The following EP400 variants were observed in gnomAD, a reference collection of about 807,000 sequenced individuals.
EP400 encodes E1A-binding protein p400.
Under a neutral mutation model 354.1 loss-of-function variants are expected in EP400, and 105 were observed. The observed-to-expected ratio is 0.30, with a 90% confidence interval of 0.25 to 0.35. EP400 has a LOEUF of 0.35. EP400 is among the 10% of genes least tolerant of loss of function. The probability of loss-of-function intolerance (pLI) is 1.00; values close to 1 mark genes in which losing one functional copy is unlikely to be tolerated. For synonymous variants in EP400, 1,646 were observed against 1,716.9 expected (o/e 0.96, Z 1.02); for missense variants, 3,280 against 4,121.0 (o/e 0.80, Z 5.59).
At chr12:132,044,084 C>T in intron 34 of EP400, 93 bp from the exon 35 acceptor site, 10 of 1,541,154 alleles carry the variant, frequency 6.5e-6, no homozygotes, top group Non-Finnish European at 8.8e-6. Flanking sequence ...GAACATGTGG[C>T]TCTGAGACAA....
intron 5 of EP400, among the ~76,000 whole-genome samples, chr12:131,985,681 C>T (rs1466738491): frequency 6.6e-6 from 1 of 152,218 alleles, no homozygotes; most frequent in Non-Finnish European, 1.5e-5. Context: ...AATCTCAGCT[C>T]ACCACAACCT....
intron 1 of EP400, among the ~76,000 whole-genome samples, chr12:131,958,286 G>A (rs578249574): frequency 1.3e-5 from 2 of 152,252 alleles, no homozygotes; most frequent in South Asian, 2.1e-4. Context: ...GCTCTCTGCC[G>A]GGTGGTGGGA....
At position 132,077,486 on chromosome 12, in the gene EP400, A is replaced by C. The variant is rs749502000; in HGVS notation, c.9185A>C (p.Gln3062Pro). ...QMIPAVTATAQVVQQKLIQQQ... is the reference protein window; with the variant it reads ...QMIPAVTATAPVVQQKLIQQQ... The stretch of plus-strand genomic sequence containing the variant: ...ATCCCTGCAGTGACCGCGACTGCCC[A>C]GGTGGTTCAGCAGAAACTCATTCAG... Residue 3062 changes from glutamine to proline, a missense_variant, in exon 53 of 53, where the codon CAG becomes CCG. Gln to Pro is a moderately conservative substitution (Grantham distance 76, BLOSUM62 -1). Around this residue, in one of 20 missense-constraint regions of EP400, gnomAD observed 279 missense variants for 386.7 expected, o/e 0.72. Coordinates refer to ENST00000389561, the MANE Select transcript of EP400 (RefSeq NM_015409.5). 3.7e-6 allele frequency: 6 copies of C among 1,613,626 alleles called. No homozygotes were observed. The African/African-American group carries it at 4.0e-5, about 11-fold the overall frequency.
intron 1 of EP400, among the ~76,000 whole-genome samples, chr12:131,955,866 G>A (rs1013432948): frequency 2.6e-5 from 4 of 151,824 alleles, no homozygotes; most frequent in Admixed American, 6.6e-5. Context: ...GGCTGTTCTC[G>A]AACTCCTGAC....
intron 52 of EP400, 62 bp from the exon 53 acceptor site, chr12:132,077,339 A>G (rs934799871): frequency 1.3e-6 from 2 of 1,549,486 alleles, no homozygotes; most frequent in African/African-American, 1.4e-5. Flanking sequence ...AAGAACGTCC[A>G]TTTTCCTGTC....
At chr12:132,021,882 G>A (rs976286549) in intron 23 of EP400, among the ~76,000 whole-genome samples, 4 of 152,190 alleles carry the variant, frequency 2.6e-5, no homozygotes, top group Admixed American at 2.0e-4. Context: ...ACATTTTGCT[G>A]TGTCCAGTGG....
chr12:132,044,927 G>A lies in EP400; in HGVS notation c.6758G>A (p.Arg2253Gln), dbSNP rs1191464242. The change falls in exon 37 of 53, where the codon CGG becomes CAG. Residue 2253 changes from arginine (R) to glutamine (Q), a missense_variant. By Grantham distance (43) the Arg-to-Gln change is conservative. This residue lies in a region of EP400 where 231 missense variants were observed against 257.9 expected (regional missense o/e 0.90). Coordinates refer to ENST00000389561, the MANE Select transcript of EP400 (RefSeq NM_015409.5). ...KLPPVYVRKERKRHKTDPSAA... is the reference protein window; with the variant it reads ...KLPPVYVRKEQKRHKTDPSAA... The stretch of plus-strand genomic sequence containing the variant: ...CCCCCTGTGTACGTGAGGAAGGAGC[G>A]GAAGCGACACAAAACAGACCCCTCA... The A allele has an allele frequency of 1.9e-5, 31 of 1,614,004 alleles. No individual in the cohort carries two copies. The highest frequency in any genetic ancestry group is 4.5e-5 in the East Asian group (2 of 44,894).
chr12:132,052,944 G>A lies in EP400; in HGVS notation c.7395-202G>A, dbSNP rs1206580254. Among the ~76,000 whole-genome samples the A allele has an allele frequency of 6.6e-6, 1 of 152,058 alleles. No homozygotes were observed. Among genetic ancestry groups the A allele is most frequent in the African/African-American group, 2.4e-5 (1 of 41,402 alleles). On this transcript the variant is annotated intron_variant, in intron 41 of 52. Transcript: ENST00000389561. The surrounding 1 kb of genome is among the most constrained non-coding windows in gnomAD (Gnocchi z 4.4). ...GGAGAGTGGGAGAGCTCGGCCTCAA[G>A]GAAGAGGACTCAGCGCCAGGCTGAG...
rs769185007 is a variant in EP400 at position 132,013,018 on chromosome 12, G to A, written c.3451G>A (p.Glu1151Lys). 15 of 1,610,546 alleles carry A rather than the reference G, an allele frequency of 9.3e-6. No individual in the cohort carries two copies. The East Asian group carries it at 1.6e-4, about 17-fold the overall frequency. ...ELKAKRQEWA[E>K]PNSFHVCITS... ...CCTCTCTGTGCTGCAGGAGTGGGCC[G>A]AACCCAACAGCTTCCACGTCTGCAT... Residue 1151 changes from glutamate to lysine, a missense_variant, in exon 17 of 53, where the codon GAA (glutamate) becomes AAA (lysine). Coordinates refer to ENST00000389561, the MANE Select transcript of EP400 (RefSeq NM_015409.5). The surrounding 1 kb of genome is among the most constrained non-coding windows in gnomAD (Gnocchi z 4.5).
chr12:131,974,862 C>T (rs940003469), intron 2 of EP400, among the ~76,000 whole-genome samples: 6 of 151,652 alleles, frequency 4.0e-5, no homozygotes, highest in South Asian at 4.2e-4. Context: ...TGGTGGCAGG[C>T]GCCTGTAATT....
rs1405609565 is a variant in EP400 at position 132,013,207 on chromosome 12, T to C, written c.3611+29T>C. ...TGTGTGTTACGCGCTTGTCATTGAG[T>C]GTTCTTTGCTGTTGATGTAGAAGAT... is the stretch of plus-strand genomic sequence containing the variant. On this transcript the variant is annotated intron_variant, in intron 17 of 52. Transcript: ENST00000389561. This position sits in a 1 kb window ranked among gnomAD's most constrained non-coding sequence, Gnocchi z 4.5. The C allele has an allele frequency of 1.3e-6, 2 of 1,579,432 alleles. No individual in the cohort carries two copies. The highest frequency in any genetic ancestry group is 1.8e-5 in the Admixed American group (1 of 56,488).
At position 132,013,930 on chromosome 12, in the gene EP400, G is replaced by A; in HGVS notation, c.3923+17G>A. ...GCAACCTGGGTGAGTGTGGGCTCTGGGCATGTGCCCCCTTTGCTGTCCCTG... is the reference window on the plus strand; with the variant it reads ...GCAACCTGGGTGAGTGTGGGCTCTGAGCATGTGCCCCCTTTGCTGTCCCTG... On this transcript the variant is annotated intron_variant, in intron 19 of 52. Transcript: ENST00000389561. This position sits in a 1 kb window ranked among gnomAD's most constrained non-coding sequence, Gnocchi z 4.5. The A allele has an allele frequency of 1.2e-6, 2 of 1,613,184 alleles. No individual in the cohort carries two copies. The highest frequency in any genetic ancestry group is 1.7e-6 in the Non-Finnish European group (2 of 1,179,624).
chr12:132,032,329 T>C (rs1236911979), intron 30 of EP400, among the ~76,000 whole-genome samples, 180 bp downstream of exon 30: 4 of 152,252 alleles, frequency 2.6e-5, no homozygotes, highest in Non-Finnish European at 5.9e-5. Flanking sequence ...GATATCTAAT[T>C]TTAAACTAGG....
At chr12:131,954,475 A>T (rs189920202) in intron 1 of EP400, among the ~76,000 whole-genome samples, 1 of 152,280 alleles carries the variant, frequency 6.6e-6, no homozygotes, top group East Asian at 1.9e-4. Flanking sequence ...CTGTAATCCC[A>T]GCACTTTGGG....
At chr12:132,065,130 G>A (rs551153327) in intron 48 of EP400, 5 of 698,512 alleles carry the variant, frequency 7.2e-6, no homozygotes, top group South Asian at 2.0e-5. Flanking sequence ...AATTGAGGGG[G>A]GTGGAGAGTG....
At chr12:131,962,001 CAG>C (rs985014500) in intron 2 of EP400, 47 bp downstream of exon 2, 1 of 1,556,278 alleles carries the variant, frequency 6.4e-7, no homozygotes. Context: ...TCTAGATGAT[CAG>C]AGTCTATGCG....
intron 48 of EP400, chr12:132,065,106 C>T: frequency 1.2e-6 from 1 of 809,588 alleles, no homozygotes; most frequent in East Asian, 2.7e-5. Context: ...CATCACCAAG[C>T]TTCTCAGGGC....
intron 51 of EP400, among the ~76,000 whole-genome samples, chr12:132,072,040 G>A (rs1896084150): frequency 6.6e-6 from 1 of 152,236 alleles, no homozygotes. Flanking sequence ...AGTTGTCATT[G>A]TGCATGGATG....
rs375522548 is a variant in EP400 at position 132,043,509 on chromosome 12, G to A, written c.6366+47G>A. On this transcript the variant is annotated intron_variant, in intron 33 of 52. Transcript: ENST00000389561. ...CAACTACATATTTTAAAAATTTGACGCTTCTATAAAATATTTATTGTTTAC... is the reference window on the plus strand; with the variant it reads ...CAACTACATATTTTAAAAATTTGACACTTCTATAAAATATTTATTGTTTAC... 253 of 1,593,638 alleles carry A rather than the reference G, an allele frequency of 1.6e-4. 4 individuals are homozygous for A. In the South Asian group the frequency reaches 2.4e-3, roughly 15 times the overall value.
Sources: gnomAD v4.1 joint callset for allele counts (sites outside exome capture counted in the v4.1 genomes callset) on GRCh38, gnomAD v4.1.1 for gene constraint, gnomAD v4.1.1 regional missense constraint, Gnocchi (gnomAD v3.1) non-coding constraint, MANE v1.5 for transcripts, NCBI Gene and HGNC (gene_info 2026-07-23, HGNC 2026-07-21) for gene names.